The following IPP variants were observed in gnomAD, a reference collection of about 807,000 sequenced individuals.
The protein encoded by IPP is actin-binding protein IPP.
Under a neutral mutation model 64.1 loss-of-function variants are expected in IPP, and 41 were observed. The observed-to-expected ratio is 0.64, with a 90% CI of 0.50 to 0.83. IPP has a LOEUF of 0.83. IPP is among the 40% of genes least tolerant of loss of function. The pLI is 0.00. For synonymous variants in IPP, 214 were observed against 235.2 expected (o/e 0.91, Z 0.83); for missense variants, 649 against 703.0 (o/e 0.92, Z 0.87).
intron 8 of IPP, among the ~76,000 whole-genome samples, chr1:45,709,253 G>A (rs1343951865): frequency 6.7e-6 from 1 of 149,178 alleles, no homozygotes; most frequent in Non-Finnish European, 1.5e-5. Flanking sequence ...CTAACAGAGT[G>A]AAACCCCGTC....
At position 45,699,717 on chromosome 1, in the gene IPP, C is replaced by T; in HGVS notation, c.*249G>A. ...TCATTCTGTTGCCCAGAGTGGAGTGCAGTGGCATGATCGTAGCTTACTACA... is the reference window on the plus strand; with the variant it reads ...TCATTCTGTTGCCCAGAGTGGAGTGTAGTGGCATGATCGTAGCTTACTACA... On this transcript the variant is annotated 3_prime_UTR_variant, in exon 9 of 9. Transcript: ENST00000396478. The T allele has an allele frequency of 8.5e-7, 1 of 1,171,472 alleles. No individual in the cohort carries two copies. Among genetic ancestry groups the T allele is most frequent in the Non-Finnish European group, 1.1e-6 (1 of 903,430 alleles). The allele number at this position is 1,171,472 out of a possible 1,614,324, so 72.6% of individuals were successfully genotyped here. A position where few individuals can be genotyped will look rare whatever the true frequency, so the allele number is the denominator to read the frequency against.
At position 45,729,662 on chromosome 1, in the gene IPP, A is replaced by C. The variant is rs1285058822; in HGVS notation, c.832T>G (p.Ser278Ala). Residue 278 changes from serine to alanine, a missense_variant, in exon 4 of 9, where the codon TCT becomes GCT. Transcript: ENST00000396478. ...ENKFCSFLQTSKVRPRKKARK... is the reference protein window; with the variant it reads ...ENKFCSFLQTAKVRPRKKARK... ...GCTTTCTTCCGAGGTCGAACCTTAG[A>C]TGTCTGCAGAAAACTACAAAACTTG... 6.2e-7 allele frequency: 1 copy of C among 1,613,496 alleles called. No homozygotes were observed. The highest frequency in any genetic ancestry group is 8.5e-7 in the Non-Finnish European group (1 of 1,179,610).
chr1:45,719,492 G>A, intron 5 of IPP, 152 bp from the exon 6 acceptor site: 2 of 547,872 alleles, frequency 3.7e-6, no homozygotes, highest in Non-Finnish European at 6.2e-6. Flanking sequence ...TGCCTGTCAA[G>A]CAGTATTTTG....
chr1:45,704,721 A>C (rs187681710), intron 8 of IPP, among the ~76,000 whole-genome samples: 4 of 152,294 alleles, frequency 2.6e-5, no homozygotes, highest in African/African-American at 7.2e-5. Context: ...ACATACATAC[A>C]TTTCCTAGCT....
At chr1:45,712,491 C>T (rs1466688486) in intron 8 of IPP, among the ~76,000 whole-genome samples, 1 of 152,038 alleles carries the variant, frequency 6.6e-6, no homozygotes, top group Admixed American at 6.6e-5. Context: ...AAAATCCCCA[C>T]ATATTTTTAA....
At chr1:45,726,160 T>TAAA (rs71062704) in intron 5 of IPP, among the ~76,000 whole-genome samples, 5 of 141,284 alleles carry the variant, frequency 3.5e-5, no homozygotes, top group African/African-American at 1.0e-4. Context: ...ACCCCATCTC[T>TAAA]AAAAAAAAAA....
At chr1:45,709,518 G>A (rs182371448) in intron 8 of IPP, among the ~76,000 whole-genome samples, 22 of 148,216 alleles carry the variant, frequency 1.5e-4, no homozygotes, top group African/African-American at 5.2e-4. Context: ...AGAGTTAATA[G>A]AACTAGAAAT....
intron 8 of IPP, among the ~76,000 whole-genome samples, chr1:45,708,168 C>T (rs1203881991): frequency 6.6e-6 from 1 of 151,450 alleles, no homozygotes; most frequent in Non-Finnish European, 1.5e-5. Flanking sequence ...AGGTTCATGC[C>T]ATTCTCCTGC....
chr1:45,724,857 G>A (rs1339520302), intron 5 of IPP, among the ~76,000 whole-genome samples: 4 of 150,790 alleles, frequency 2.7e-5, no homozygotes, highest in East Asian at 4.0e-4. Context: ...GAGCGTCTCC[G>A]CCCGGCAGCC....
At position 45,727,612 on chromosome 1, in the gene IPP, A is replaced by G. The variant is rs1222701305; in HGVS notation, c.1048+19T>C. Reference sequence around the variant, plus strand: ...AGCCAACAAGACTAATTAAGAAAATAAGACATTTTTATTATTACCTCCAAT... The same window carrying G: ...AGCCAACAAGACTAATTAAGAAAATGAGACATTTTTATTATTACCTCCAAT... On this transcript the variant is annotated intron_variant, in intron 5 of 8. Transcript: ENST00000396478. 1.4e-6 allele frequency: 2 copies of G among 1,480,274 alleles called. No individual in the cohort carries two copies. Among genetic ancestry groups the G allele is most frequent in the Non-Finnish European group, 1.8e-6 (2 of 1,094,754 alleles). 91.7% of individuals were successfully genotyped at this position (1,480,274 alleles called of 1,614,324 possible). A position where few individuals can be genotyped will look rare whatever the true frequency, so the allele number is the denominator to read the frequency against.
chr1:45,746,665 C>T (rs1646138583), intron 1 of IPP, among the ~76,000 whole-genome samples: 1 of 152,070 alleles, frequency 6.6e-6, no homozygotes, highest in Admixed American at 6.6e-5. Context: ...GAATGCTTCA[C>T]ACAAGAAATG....
chr1:45,718,070 G>A (rs370993980), intron 6 of IPP, among the ~76,000 whole-genome samples: 14 of 152,090 alleles, frequency 9.2e-5, no homozygotes, highest in Non-Finnish European at 1.9e-4. Context: ...TGTAACATTT[G>A]TTACACAGAT....
chr1:45,694,593 G>C, downstream of IPP: 1 of 754,156 alleles, frequency 1.3e-6, no homozygotes, highest in East Asian at 2.7e-5. Flanking sequence ...TATTTCACAT[G>C]GTATAACCCA....
chr1:45,741,090 T>C lies in IPP; in HGVS notation c.535A>G (p.Thr179Ala). 2 of 1,614,144 alleles carry C rather than the reference T, an allele frequency of 1.2e-6. No individual in the cohort carries two copies. Among genetic ancestry groups the C allele is most frequent in the Admixed American group, 1.7e-5 (1 of 60,016 alleles). The change falls in exon 3 of 9, where the codon ACG (threonine) becomes GCG (alanine). Residue 179 changes from threonine to alanine, a missense_variant. By Grantham distance (58) the Thr-to-Ala change is moderately conservative (BLOSUM62 0). Coordinates refer to ENST00000396478, the MANE Select transcript of IPP (RefSeq NM_005897.3). ...VHSGEEFLAL[T>A]KDQLIKILRS... ...AAAATTTTGATCAGCTGATCTTTCG[T>C]AAGTGCCAGGAACTCTTCTCCACTA...
At chr1:45,715,012 G>C (rs1053556061) in intron 7 of IPP, among the ~76,000 whole-genome samples, 3 of 151,924 alleles carry the variant, frequency 2.0e-5, no homozygotes, top group Non-Finnish European at 4.4e-5. Context: ...CGGATCACTT[G>C]AGCTTGAGAC....
intron 3 of IPP, among the ~76,000 whole-genome samples, chr1:45,732,586 G>C (rs1645925988): frequency 6.6e-6 from 1 of 152,086 alleles, no homozygotes; most frequent in African/African-American, 2.4e-5. Flanking sequence ...TGTAACATTA[G>C]AAGATGATAA....
At chr1:45,702,521 C>T (rs1645468704) in intron 8 of IPP, among the ~76,000 whole-genome samples, 1 of 152,146 alleles carries the variant, frequency 6.6e-6, no homozygotes, top group Admixed American at 6.5e-5. Context: ...GTGACATGAT[C>T]TTGGCTCACT....
chr1:45,694,488 A>G (rs1645369436), downstream of IPP: 1 of 1,545,828 alleles, frequency 6.5e-7, no homozygotes, highest in Admixed American at 2.0e-5. Context: ...CTCCCACTTC[A>G]AGCGGAAAAC....
chr1:45,700,234 A>G (rs1645434783), intron 8 of IPP, 44 bp from the exon 9 acceptor site: 2 of 1,568,118 alleles, frequency 1.3e-6, no homozygotes, highest in Non-Finnish European at 1.7e-6. Flanking sequence ...GTGTTATGAA[A>G]TGATAGTAAA....
Sources: gnomAD v4.1 joint callset for allele counts (sites outside exome capture counted in the v4.1 genomes callset) on GRCh38, gnomAD v4.1.1 for gene constraint, MANE v1.5 for transcripts, NCBI Gene and HGNC (gene_info 2026-07-23, HGNC 2026-07-21) for gene names.